The following WASF1 variants were observed in gnomAD, a reference collection of about 807,000 sequenced individuals.
WASF1 encodes the protein WASP family member 1.
In WASF1, 7 loss-of-function variants were observed where a neutral mutation model predicts 50.5. The observed-to-expected ratio is 0.14, with a 90% CI of 0.08 to 0.26. The LOEUF is 0.26. Ranked by LOEUF, WASF1 falls within the 10% of genes least tolerant of loss-of-function variation. The probability of loss-of-function intolerance (pLI) is 1.00; values close to 1 mark genes in which losing one functional copy is unlikely to be tolerated. For missense variants in WASF1, 470 were observed against 694.7 expected (o/e 0.68, Z 3.64); for synonymous variants, 205 against 244.0 (o/e 0.84, Z 1.49).
chr6:110,130,516 C>T (rs1012008462), intron 3 of WASF1, among the ~76,000 whole-genome samples: 2 of 152,000 alleles, frequency 1.3e-5, no homozygotes, highest in Non-Finnish European at 2.9e-5. Flanking sequence ...TTTTTCATTC[C>T]ACATTGTAAC....
chr6:110,165,068 T>C lies in WASF1; in HGVS notation c.-126-4336A>G, dbSNP rs536986483. Among the ~76,000 whole-genome samples the C allele has an allele frequency of 3.3e-5, 5 of 151,736 alleles. No homozygotes were observed. The South Asian group carries it at 1.0e-3, about 31-fold the overall frequency. On this transcript the variant is annotated intron_variant, in intron 2 of 10. Transcript: ENST00000392589. ...AGAGGATAAATTGGCAGAGTACAGA[T>C]TTTTGGGCACTGAAACTATTCTGTA...
intron 3 of WASF1, among the ~76,000 whole-genome samples, chr6:110,134,657 C>T (rs1394849263): frequency 2.0e-5 from 3 of 151,976 alleles, no homozygotes; most frequent in African/African-American, 4.8e-5. Flanking sequence ...AACTCCTGAC[C>T]TCAGGTGATC....
Position 110,124,225 on chromosome 6 carries a change from T to TCTCTCTCC in WASF1, c.133+3243_133+3244insGGAGAGAG, listed in dbSNP as rs1562170207. Among the ~76,000 whole-genome samples the TCTCTCTCC allele has an allele frequency of 3.2e-4, 16 of 49,796 alleles. 1 individual carries two copies. The highest frequency in any genetic ancestry group is 1.9e-3 in the African/African-American group (14 of 7,192). 32.7% of individuals were successfully genotyped at this position (49,796 alleles called of 152,430 possible). On this transcript the variant is annotated intron_variant, in intron 4 of 10. Coordinates refer to ENST00000392589, the MANE Select transcript of WASF1 (RefSeq NM_003931.3). Reference sequence around the variant, plus strand: ...TCTCTCTCTCTCTCTCTCCTCTCTCTCCTCTCTCTCCTCTCTCTCTCTCTC... The same window carrying TCTCTCTCC: ...TCTCTCTCTCTCTCTCTCCTCTCTCTCTCTCTCCCCTCTCTCTCCTCTCTCTCTCTCTC...
At chr6:110,132,963 T>C (rs1446661768) in intron 3 of WASF1, among the ~76,000 whole-genome samples, 9 of 130,072 alleles carry the variant, frequency 6.9e-5, no homozygotes, top group Admixed American at 6.5e-4. Flanking sequence ...CCATGGTGTA[T>C]ACACACACAC....
intron 2 of WASF1, among the ~76,000 whole-genome samples, chr6:110,164,936 G>T (rs192454828): frequency 1.1e-3 from 174 of 151,690 alleles, no homozygotes; most frequent in African/African-American, 3.7e-3. Context: ...TCAAAGAAGC[G>T]AATTTGAAAT....
At chr6:110,101,468 A>G in intron 10 of WASF1, 120 bp downstream of exon 10, 2 of 1,333,998 alleles carry the variant, frequency 1.5e-6, no homozygotes, top group Non-Finnish European at 2.0e-6. Context: ...TCTAAAGGCC[A>G]TTTGTACACA....
chr6:110,121,647 C>G (rs1359346498), intron 4 of WASF1, among the ~76,000 whole-genome samples: 4 of 152,180 alleles, frequency 2.6e-5, no homozygotes, highest in African/African-American at 9.7e-5. Flanking sequence ...GGATCTAGAA[C>G]TAGAAATACC....
intron 7 of WASF1, 110 bp downstream of exon 7, chr6:110,106,967 T>C: frequency 1.3e-6 from 1 of 779,024 alleles, no homozygotes; most frequent in Non-Finnish European, 2.1e-6. Context: ...TTTAACTATA[T>C]GGACCCAATA....
At chr6:110,108,793 G>C in intron 5 of WASF1, 112 bp from the exon 6 acceptor site, 1 of 925,086 alleles carries the variant, frequency 1.1e-6, no homozygotes, top group Non-Finnish European at 1.6e-6. Context: ...AAGAGGTTGT[G>C]ACCTTAGTGG....
chr6:110,162,734 G>A (rs1776310524), intron 2 of WASF1, among the ~76,000 whole-genome samples: 1 of 151,318 alleles, frequency 6.6e-6, no homozygotes, highest in Non-Finnish European at 1.5e-5. Context: ...AAAACTCTCC[G>A]CAAACTAGGA....
intron 3 of WASF1, among the ~76,000 whole-genome samples, chr6:110,129,438 GAGGAA>G: frequency 6.6e-6 from 1 of 152,212 alleles, no homozygotes; most frequent in African/African-American, 2.4e-5. Context: ...TATGCAGCCT[GAGGAA>G]CTTAGCGAAG....
At chr6:110,144,184 G>T (rs544461858) in intron 3 of WASF1, among the ~76,000 whole-genome samples, 1 of 152,096 alleles carries the variant, frequency 6.6e-6, no homozygotes, top group Non-Finnish European at 1.5e-5. Flanking sequence ...ATCTCACTGT[G>T]GTTTTGATTT....
chr6:110,138,882 C>T (rs1775089780), intron 3 of WASF1, among the ~76,000 whole-genome samples: 6 of 152,220 alleles, frequency 3.9e-5, no homozygotes, highest in Non-Finnish European at 8.8e-5. Flanking sequence ...ACAGGCCTTC[C>T]CTGGCTTAAA....
intron 1 of WASF1, among the ~76,000 whole-genome samples, chr6:110,179,129 C>A (rs1452984886): frequency 6.6e-6 from 1 of 152,180 alleles, no homozygotes; most frequent in African/African-American, 2.4e-5. Context: ...GCAGGGAAGC[C>A]CGGGCGGTGG....
rs768882274 is a variant in WASF1 at position 110,108,554 on chromosome 6, T to C, written c.396A>G (p.Pro132=). 6.2e-7 allele frequency: 1 copy of C among 1,613,922 alleles called. No individual in the cohort carries two copies. Among genetic ancestry groups the C allele is most frequent in the Non-Finnish European group, 8.5e-7 (1 of 1,179,896 alleles). ...QETYDVCEQP[P]PLNILTPYRD... ...TATAAGGAGTGAGTATATTGAGAGGTGGAGGCTGTTCACAAACATCGTACG... is the reference window on the plus strand; with the variant it reads ...TATAAGGAGTGAGTATATTGAGAGGCGGAGGCTGTTCACAAACATCGTACG... The change falls in exon 6 of 11, where the codon CCA becomes CCG. Residue 132 remains proline (P), a synonymous_variant. Coordinates refer to ENST00000392589, the MANE Select transcript of WASF1 (RefSeq NM_003931.3).
At position 110,158,471 on chromosome 6, in the gene WASF1, C is replaced by T. The variant is rs961470214; in HGVS notation, c.-29+2164G>A. On this transcript the variant is annotated intron_variant, in intron 3 of 10. Coordinates refer to ENST00000392589, the MANE Select transcript of WASF1 (RefSeq NM_003931.3). ...TCTTTTTCTTTATTAGTCTTGCTAG[C>T]GGTCTATCAATTTTGTTGATCCTTT... Among the ~76,000 whole-genome samples, 40 of 131,446 alleles carry T rather than the reference C, an allele frequency of 3.0e-4. 2 individuals are homozygous for T. Among genetic ancestry groups the T allele is most frequent in the Non-Finnish European group, 2.1e-4 (13 of 62,954 alleles). The allele number at this position is 131,446 out of a possible 152,430, so 86.2% of individuals were successfully genotyped here. A position where few individuals can be genotyped will look rare whatever the true frequency, so the allele number is the denominator to read the frequency against.
intron 2 of WASF1, among the ~76,000 whole-genome samples, chr6:110,169,127 T>A (rs1776589885): frequency 6.6e-6 from 1 of 151,900 alleles, no homozygotes; most frequent in South Asian, 2.1e-4. Context: ...TTGTTATACC[T>A]AGTTCTACAC....
intron 7 of WASF1, among the ~76,000 whole-genome samples, chr6:110,106,852 C>T (rs1208628844): frequency 6.6e-6 from 1 of 152,180 alleles, no homozygotes; most frequent in African/African-American, 2.4e-5. Context: ...ACCCTTTATG[C>T]ATACCTCTGC....
intron 3 of WASF1, among the ~76,000 whole-genome samples, chr6:110,130,536 T>C (rs112023463): frequency 6.6e-6 from 1 of 152,242 alleles, no homozygotes; most frequent in Non-Finnish European, 1.5e-5. Flanking sequence ...CATTCATCCA[T>C]ACTGCTCTGT....
Sources: allele counts gnomAD v4.1 joint callset (sites outside exome capture counted in the v4.1 genomes callset), GRCh38; gene constraint gnomAD v4.1.1; transcripts MANE v1.5; gene names NCBI Gene and HGNC (gene_info 2026-07-23, HGNC 2026-07-21).